SPINDOC: variants seen among roughly 807,000 people sequenced by gnomAD.
SPINDOC encodes the protein spindlin interactor and repressor of chromatin binding, also known as spindlin interactor and repressor of chromatin-binding protein.
Under a neutral mutation model 30.7 loss-of-function variants are expected in SPINDOC, and 13 were observed. The observed-to-expected ratio is 0.42, with a 90% CI of 0.28 to 0.67. The LOEUF is 0.67. Among genes scored for constraint, SPINDOC ranks in the 30% least tolerant of loss-of-function variants. The probability of loss-of-function intolerance (pLI) is 0.22; values close to 1 mark genes in which losing one functional copy is unlikely to be tolerated. For missense variants in SPINDOC, 438 were observed against 518.0 expected (o/e 0.85, Z 1.50); for synonymous variants, 228 against 211.4 (o/e 1.08, Z -0.68).
At position 63,823,380 on chromosome 11, in the gene SPINDOC, G is replaced by GTAAAAA. The variant is rs991025353; in HGVS notation, c.935-3546_935-3541dup. 78 of 1,174,082 alleles carry GTAAAAA rather than the reference G, an allele frequency of 6.6e-5. No individual in the cohort carries two copies. The East Asian group carries it at 4.3e-3, about 64-fold the overall frequency. The allele number at this position is 1,174,082 out of a possible 1,614,324, so 72.7% of individuals were successfully genotyped here. ...TGCCACTTTAAAAAAAATTAGAGGTGTAAAAATCGTGGATTTAACAGTTGG... is the reference window on the plus strand; with the variant it reads ...TGCCACTTTAAAAAAAATTAGAGGTGTAAAAATAAAAATCGTGGATTTAACAGTTGG... On this transcript the variant is annotated intron_variant, in intron 5 of 5. Transcript: ENST00000294244.
intron 5 of SPINDOC, chr11:63,823,220 T>G (rs2015575469): frequency 7.8e-7 from 1 of 1,288,236 alleles, no homozygotes; most frequent in Admixed American, 2.3e-5. Context: ...GACCTGTGGT[T>G]TCAGACGATC....
chr11:63,818,373 A>C lies in SPINDOC; in HGVS notation c.607+8A>C. 1 of 1,613,382 alleles carries C rather than the reference A, an allele frequency of 6.2e-7. No homozygotes were observed. ...GCCCCCTCGAGCTTCCTGGTTAGTC[A>C]ACAGAGAAGCCAGTGAGCCCCGGTG... On this transcript the variant is annotated splice_region_variant and intron_variant, in intron 3 of 5. Coordinates refer to ENST00000294244, the MANE Select transcript of SPINDOC (RefSeq NM_138471.3). The surrounding 1 kb of genome is among the most constrained non-coding windows in gnomAD (Gnocchi z 5.3).
rs373805670 is a variant in SPINDOC, at chr11:63,818,503, G to A, written c.608-24G>A. 150 of 1,609,862 alleles carry A rather than the reference G, an allele frequency of 9.3e-5. No homozygotes were observed. The highest frequency in any genetic ancestry group is 6.7e-5 in the Admixed American group (4 of 59,634). On this transcript the variant is annotated intron_variant, in intron 3 of 5. Transcript: ENST00000294244. This position sits in a 1 kb window ranked among gnomAD's most constrained non-coding sequence, Gnocchi z 5.3. ...GTTCGGGGATGGCCTCTTTAAAAGGGTATGAGGTCTTTTCTTTTTGCAGCT... is the reference window on the plus strand; with the variant it reads ...GTTCGGGGATGGCCTCTTTAAAAGGATATGAGGTCTTTTCTTTTTGCAGCT...
At chr11:63,822,376 A>G (rs921509398) in intron 5 of SPINDOC, among the ~76,000 whole-genome samples, 18 of 147,542 alleles carry the variant, frequency 1.2e-4, no homozygotes, top group Non-Finnish European at 2.1e-4. Context: ...AAAAAAAAAA[A>G]AAAAGAAACA....
rs73492273 is a variant in SPINDOC at position 63,826,443 on chromosome 11, C to A, written c.935-485C>A. ...GGAGATAAAGAGCCTGGTGGAAGTTCGCCAGGGGTCTTTTCTGTCCCCCAC... is the reference window on the plus strand; with the variant it reads ...GGAGATAAAGAGCCTGGTGGAAGTTAGCCAGGGGTCTTTTCTGTCCCCCAC... On this transcript the variant is annotated intron_variant, in intron 5 of 5. Transcript: ENST00000294244. Among the ~76,000 whole-genome samples, 852 of 152,258 alleles carry A rather than the reference C, an allele frequency of 5.6e-3. 5 individuals are homozygous for A. Among genetic ancestry groups the A allele is most frequent in the African/African-American group, 0.019 (806 of 41,546 alleles).
At chr11:63,822,241 G>T (rs2015540887) in intron 5 of SPINDOC, among the ~76,000 whole-genome samples, 1 of 151,632 alleles carries the variant, frequency 6.6e-6, no homozygotes, top group Non-Finnish European at 1.5e-5. Context: ...TAAGACTAGA[G>T]GCTAAGGCAA....
chr11:63,816,020 G>T (rs1355076199), intron 1 of SPINDOC, among the ~76,000 whole-genome samples: 1 of 152,168 alleles, frequency 6.6e-6, no homozygotes, highest in East Asian at 1.9e-4. Flanking sequence ...GCCCACCTCG[G>T]CCTCCCAAAG....
chr11:63,823,185 G>A (rs570165801), intron 5 of SPINDOC: 107 of 1,288,916 alleles, frequency 8.3e-5, no homozygotes, highest in African/African-American at 2.0e-4. Flanking sequence ...CCCCCGTGGC[G>A]GTTCTTTGCG....
intron 5 of SPINDOC, chr11:63,822,486 T>C: frequency 1.4e-6 from 1 of 722,656 alleles, no homozygotes; most frequent in Non-Finnish European, 2.1e-6. Flanking sequence ...CTTAATTTGG[T>C]TTGTATCCTT....
At position 63,818,478 on chromosome 11, in the gene SPINDOC, G is replaced by T. The variant is rs2015410635; in HGVS notation, c.608-49G>T. 1 of 1,605,848 alleles carries T rather than the reference G, an allele frequency of 6.2e-7. No homozygotes were observed. Among genetic ancestry groups the T allele is most frequent in the Non-Finnish European group, 8.5e-7 (1 of 1,178,406 alleles). On this transcript the variant is annotated intron_variant, in intron 3 of 5. Coordinates refer to ENST00000294244, the MANE Select transcript of SPINDOC (RefSeq NM_138471.3). This position sits in a 1 kb window ranked among gnomAD's most constrained non-coding sequence, Gnocchi z 5.3. ...TCTTCAGGAGCCCTGGGGTGGCAGG[G>T]TTCGGGGATGGCCTCTTTAAAAGGG... is the stretch of plus-strand genomic sequence containing the variant.
At chr11:63,817,715 C>G in intron 1 of SPINDOC, 90 bp from the exon 2 acceptor site, 1 of 1,192,876 alleles carries the variant, frequency 8.4e-7, no homozygotes, top group Non-Finnish European at 1.2e-6. Context: ...CCTCCCCCAT[C>G]CCACTCAAAC....
rs1236892019 is a variant in SPINDOC, at chr11:63,818,415, G to A, written c.607+50G>A. ...GCCCCGGTGGAGGTGGGGGTTTGGG[G>A]ACAGGGTGAAATACAGGCCCTGTGT... On this transcript the variant is annotated intron_variant, in intron 3 of 5. Coordinates refer to ENST00000294244, the MANE Select transcript of SPINDOC (RefSeq NM_138471.3). The surrounding 1 kb of genome is among the most constrained non-coding windows in gnomAD (Gnocchi z 5.3). 2 of 1,609,118 alleles carry A rather than the reference G, an allele frequency of 1.2e-6. No individual in the cohort carries two copies. Among genetic ancestry groups the A allele is most frequent in the South Asian group, 1.1e-5 (1 of 91,034 alleles).
intron 5 of SPINDOC, 34 bp downstream of exon 5, chr11:63,819,036 C>CG (rs2015435789): frequency 6.8e-7 from 1 of 1,467,388 alleles, no homozygotes; most frequent in South Asian, 1.1e-5. Context: ...ACAGTAGGGA[C>CG]CTCGCAGGCA....
chr11:63,819,078 T>C, intron 5 of SPINDOC, 76 bp downstream of exon 5: 2 of 604,580 alleles, frequency 3.3e-6, no homozygotes, highest in Non-Finnish European at 5.1e-6. Context: ...GAGAGGCTGC[T>C]CTATGGCAGA....
rs544912861 is a variant in SPINDOC, at chr11:63,818,746, C to T, written c.734-56C>T. On this transcript the variant is annotated intron_variant, in intron 4 of 5. Coordinates refer to ENST00000294244, the MANE Select transcript of SPINDOC (RefSeq NM_138471.3). The surrounding 1 kb of genome is among the most constrained non-coding windows in gnomAD (Gnocchi z 5.3). ...GATGGAGCAGGGCCTGGGCGCAGGG[C>T]GCCTGCAGCTCCTGAGGCTTTTTCA... 1.2e-6 allele frequency: 2 copies of T among 1,611,794 alleles called. No individual in the cohort carries two copies. The highest frequency in any genetic ancestry group is 8.5e-7 in the Non-Finnish European group (1 of 1,179,304).
At chr11:63,824,090 A>G (rs1414042291) in intron 5 of SPINDOC, among the ~76,000 whole-genome samples, 1 of 151,566 alleles carries the variant, frequency 6.6e-6, no homozygotes, top group Non-Finnish European at 1.5e-5. Context: ...TTGTATTATT[A>G]GTAGAGATGG....
At chr11:63,824,098 T>C (rs1179957784) in intron 5 of SPINDOC, among the ~76,000 whole-genome samples, 3 of 151,564 alleles carry the variant, frequency 2.0e-5, no homozygotes, top group East Asian at 1.9e-4. Flanking sequence ...TTAGTAGAGA[T>C]GGCGTCTCAC....
intron 5 of SPINDOC, among the ~76,000 whole-genome samples, chr11:63,825,252 C>A (rs192236168): frequency 1.9e-3 from 283 of 152,306 alleles, no homozygotes; most frequent in African/African-American, 6.5e-3. Context: ...ACCTCTCCCC[C>A]CACATCCCGC....
Position 63,818,369 on chromosome 11 carries a change from A to G in SPINDOC, c.607+4A>G. On this transcript the variant is annotated splice_donor_region_variant and intron_variant, in intron 3 of 5. Transcript: ENST00000294244. This position sits in a 1 kb window ranked among gnomAD's most constrained non-coding sequence, Gnocchi z 5.3. ...CTCCGCCCCCTCGAGCTTCCTGGTTAGTCAACAGAGAAGCCAGTGAGCCCC... is the reference window on the plus strand; with the variant it reads ...CTCCGCCCCCTCGAGCTTCCTGGTTGGTCAACAGAGAAGCCAGTGAGCCCC... The G allele has an allele frequency of 6.2e-7, 1 of 1,613,460 alleles. No individual in the cohort carries two copies. The highest frequency in any genetic ancestry group is 8.5e-7 in the Non-Finnish European group (1 of 1,179,756).
Sources: allele counts gnomAD v4.1 joint callset (sites outside exome capture counted in the v4.1 genomes callset), GRCh38; gene constraint gnomAD v4.1.1; non-coding constraint Gnocchi (gnomAD v3.1); transcripts MANE v1.5; gene names NCBI Gene and HGNC (gene_info 2026-07-23, HGNC 2026-07-21).